Variants in NUFIP2 observed in about 807,000 individuals in gnomAD.
NUFIP2 encodes the protein FMR1-interacting protein NUFIP2.
Under a neutral mutation model 56.9 loss-of-function variants are expected in NUFIP2, and 6 were observed. The ratio of observed to expected loss-of-function variants is 0.11; its 90% confidence interval spans 0.06 to 0.21. The LOEUF is 0.21. NUFIP2 is among the 10% of genes least tolerant of loss of function. The pLI is 1.00. For synonymous variants in NUFIP2, 321 were observed against 298.2 expected (o/e 1.08, Z -0.79); for missense variants, 828 against 826.8 (o/e 1.00, Z -0.02).
intron 2 of NUFIP2, among the ~76,000 whole-genome samples, chr17:29,267,831 T>C (rs1180560882): frequency 1.1e-4 from 17 of 152,120 alleles, no homozygotes; most frequent in Admixed American, 1.1e-3. Context: ...TTTTCTTTTT[T>C]TCTTTGGTAG....
rs1483219940 is a variant in NUFIP2, at chr17:29,286,335, G to A, written c.1659C>T (p.Pro553=). 2.1e-5 allele frequency: 34 copies of A among 1,613,990 alleles called. No homozygotes were observed. The highest frequency in any genetic ancestry group is 2.6e-5 in the Non-Finnish European group (31 of 1,179,994). ...GAAACACAGGATGCTCAGTTCCTGA[G>A]GGAATTATTTCAGCACCCTGTGAAA... ...TLVSQGAEII[P]SGTEHPVFPK... is the part of the protein sequence containing the mutation. The change falls in exon 2 of 4, where the codon CCC becomes CCT. Residue 553 remains proline, a synonymous_variant. Transcript: ENST00000225388.
rs1490397636 is a variant in NUFIP2, at chr17:29,258,105, T to A, written c.*6434A>T. On this transcript the variant is annotated 3_prime_UTR_variant, in exon 4 of 4. Coordinates refer to ENST00000225388, the MANE Select transcript of NUFIP2 (RefSeq NM_020772.3). The stretch of plus-strand genomic sequence containing the variant: ...AATATACATGCAAGGCACATTGATA[T>A]AAAAATAGATCTCTGGCCAACAAAT... 6.6e-6 allele frequency: 1 copy of A among 152,054 alleles called. No individual in the cohort carries two copies. The highest frequency in any genetic ancestry group is 1.5e-5 in the Non-Finnish European group (1 of 67,992). 9.4% of individuals were successfully genotyped at this position (152,054 alleles called of 1,614,324 possible).
intron 2 of NUFIP2, among the ~76,000 whole-genome samples, chr17:29,272,680 G>A (rs1399949517): frequency 6.6e-6 from 1 of 152,040 alleles, no homozygotes; most frequent in Non-Finnish European, 1.5e-5. Context: ...TGAAATGTTT[G>A]GGACCAGAAG....
intron 2 of NUFIP2, among the ~76,000 whole-genome samples, chr17:29,276,723 T>C (rs1334763615): frequency 6.6e-6 from 1 of 152,186 alleles, no homozygotes; most frequent in Non-Finnish European, 1.5e-5. Flanking sequence ...CATCTATTTA[T>C]CACTACTGCT....
At position 29,257,272 on chromosome 17, in the gene NUFIP2, G is replaced by A. The variant is rs866971305; in HGVS notation, c.*7267C>T. On this transcript the variant is annotated 3_prime_UTR_variant, in exon 4 of 4. Coordinates refer to ENST00000225388, the MANE Select transcript of NUFIP2 (RefSeq NM_020772.3). ...ACTTTGAGCCAAGTTTCCAAAGATG[G>A]TAAAGCTAACAACAGCAAAGTAGTA... 3 of 152,248 alleles carry A rather than the reference G, an allele frequency of 2.0e-5. No homozygotes were observed. Among genetic ancestry groups the A allele is most frequent in the Middle Eastern group, 3.4e-3 (1 of 294 alleles). 9.4% of individuals were successfully genotyped at this position (152,248 alleles called of 1,614,324 possible). A position where few individuals can be genotyped will look rare whatever the true frequency, so the allele number is the denominator to read the frequency against.
At position 29,262,751 on chromosome 17, in the gene NUFIP2, T is replaced by C. The variant is rs535743301; in HGVS notation, c.*1788A>G. On this transcript the variant is annotated 3_prime_UTR_variant, in exon 4 of 4. Coordinates refer to ENST00000225388, the MANE Select transcript of NUFIP2 (RefSeq NM_020772.3). ...ATTTTATATATATATATATATATTA[T>C]GTATAAAAAAAAGTTTTGTTTACAT... 19 of 150,078 alleles carry C rather than the reference T, an allele frequency of 1.3e-4. No individual in the cohort carries two copies. Among genetic ancestry groups the C allele is most frequent in the Middle Eastern group, 3.5e-3 (1 of 282 alleles). 9.3% of individuals were successfully genotyped at this position (150,078 alleles called of 1,614,324 possible). A position where few individuals can be genotyped will look rare whatever the true frequency, so the allele number is the denominator to read the frequency against.
At position 29,286,356 on chromosome 17, in the gene NUFIP2, T is replaced by A; in HGVS notation, c.1638A>T (p.Ser546=). ...CTGAGGGAATTATTTCAGCACCCTGTGAAACCAAAGTAGCAGGATATTCTC... is the reference window on the plus strand; with the variant it reads ...CTGAGGGAATTATTTCAGCACCCTGAGAAACCAAAGTAGCAGGATATTCTC... The part of the protein sequence containing the change: ...FQGEYPATLV[S]QGAEIIPSGT... Residue 546 remains serine (S), a synonymous_variant, in exon 2 of 4, where the codon TCA becomes TCT. Coordinates refer to ENST00000225388, the MANE Select transcript of NUFIP2 (RefSeq NM_020772.3). The A allele has an allele frequency of 6.2e-7, 1 of 1,614,184 alleles. No individual in the cohort carries two copies.
chr17:29,272,179 C>A (rs60942481), intron 2 of NUFIP2, among the ~76,000 whole-genome samples: 131,412 of 149,702 alleles, frequency 0.88, 57,780 homozygotes, highest in South Asian at 0.93. Context: ...CTGACATTAC[C>A]TTCTGTCCTC....
chr17:29,267,458 T>G (rs2069045174), intron 3 of NUFIP2, 40 bp downstream of exon 3: 1 of 1,134,998 alleles, frequency 8.8e-7, no homozygotes, highest in South Asian at 1.3e-5. Context: ...GTCCAGTGGT[T>G]ACTTATTAGT....
In NUFIP2 at chr17:29,294,030, A is replaced by AGGCTGT. The variant is rs2069236498; in HGVS notation, c.24_29dup (p.Pro10_Gln11dup). 1 of 1,607,436 alleles carries AGGCTGT rather than the reference A, an allele frequency of 6.2e-7. No individual in the cohort carries two copies. Among genetic ancestry groups the AGGCTGT allele is most frequent in the African/African-American group, 1.3e-5 (1 of 74,666 alleles). On this transcript the variant is annotated inframe_insertion, in exon 1 of 4. Coordinates refer to ENST00000225388, the MANE Select transcript of NUFIP2 (RefSeq NM_020772.3). ...GATGGTGGTGGCTGTGATGGTGCTG[A>AGGCTGT]GGCTGTGGCTGGCCGGGCTTCTCCT...
chr17:29,274,979 A>C (rs1364052597), intron 2 of NUFIP2, among the ~76,000 whole-genome samples: 1 of 152,188 alleles, frequency 6.6e-6, no homozygotes, highest in Non-Finnish European at 1.5e-5. Flanking sequence ...TTTAATATAC[A>C]TAGAATTGCA....
intron 1 of NUFIP2, 148 bp downstream of exon 1, chr17:29,293,635 T>G: frequency 1.2e-6 from 1 of 846,036 alleles, no homozygotes. Flanking sequence ...CAGCCCGAGC[T>G]CTAGAATGAA....
intron 2 of NUFIP2, among the ~76,000 whole-genome samples, chr17:29,281,212 T>A (rs1238707889): frequency 6.6e-6 from 1 of 151,966 alleles, no homozygotes; most frequent in African/African-American, 2.4e-5. Context: ...TCCCAGCTAC[T>A]AGGGAGGCTG....
intron 2 of NUFIP2, among the ~76,000 whole-genome samples, chr17:29,271,455 T>A (rs549949450): frequency 1.3e-5 from 2 of 151,836 alleles, no homozygotes; most frequent in African/African-American, 4.8e-5. Flanking sequence ...GAGAATCACT[T>A]GAACCCCGTA....
chr17:29,280,046 G>A (rs1249282457), intron 2 of NUFIP2, among the ~76,000 whole-genome samples: 2 of 152,122 alleles, frequency 1.3e-5, no homozygotes, highest in African/African-American at 4.8e-5. Context: ...TCAAACTCCT[G>A]ACCTCAGGTG....
rs925633295 is a variant in NUFIP2, at chr17:29,260,924, C to T, written c.*3615G>A. 1 of 152,020 alleles carries T rather than the reference C, an allele frequency of 6.6e-6. No homozygotes were observed. Among genetic ancestry groups the T allele is most frequent in the African/African-American group, 2.4e-5 (1 of 41,404 alleles). 9.4% of individuals were successfully genotyped at this position (152,020 alleles called of 1,614,324 possible). ...ATTCCTAGTTATTGGCTATCCCCTC[C>T]TAGAAAGTAGAGGAGGAAGGGCTGG... On this transcript the variant is annotated 3_prime_UTR_variant, in exon 4 of 4. Coordinates refer to ENST00000225388, the MANE Select transcript of NUFIP2 (RefSeq NM_020772.3).
In NUFIP2 at chr17:29,264,582, C is replaced by G; in HGVS notation, c.2045G>C (p.Arg682Thr). The G allele has an allele frequency of 1.3e-6, 2 of 1,595,468 alleles. No individual in the cohort carries two copies. Among genetic ancestry groups the G allele is most frequent in the Non-Finnish European group, 1.7e-6 (2 of 1,163,796 alleles). The change falls in exon 4 of 4, where the codon AGG becomes ACG. Residue 682 changes from arginine to threonine, a missense_variant. Transcript: ENST00000225388. ...CATGGCTTCATTGTAAGTGATTATC[C>G]TTTTGGGATCTAGAAAGGTTAAAAA... ...IWNLQKQDPKRIITYNEAMDS... is the reference protein window; with the variant it reads ...IWNLQKQDPKTIITYNEAMDS...
Position 29,256,714 on chromosome 17 carries a change from G to GTACA in NUFIP2, c.*7821_*7824dup, listed in dbSNP as rs2068973065. On this transcript the variant is annotated 3_prime_UTR_variant, in exon 4 of 4. Transcript: ENST00000225388. ...ATGATTTGACAAAACCTGGGTAGTA[G>GTACA]TACATCTACACATTATAAGTACACA... 1 of 151,166 alleles carries GTACA rather than the reference G, an allele frequency of 6.6e-6. No homozygotes were observed. The highest frequency in any genetic ancestry group is 2.4e-5 in the African/African-American group (1 of 41,210). The allele number at this position is 151,166 out of a possible 1,614,324, so 9.4% of individuals were successfully genotyped here. A position where few individuals can be genotyped will look rare whatever the true frequency, so the allele number is the denominator to read the frequency against.
chr17:29,266,227 A>G (rs11658837), intron 3 of NUFIP2, among the ~76,000 whole-genome samples: 19,332 of 152,140 alleles, frequency 0.13, 1,447 homozygotes, highest in East Asian at 0.3. Flanking sequence ...TCCGCCTCCC[A>G]AAGTGCTGGG....
Sources: gnomAD v4.1 joint callset for allele counts (sites outside exome capture counted in the v4.1 genomes callset) on GRCh38, gnomAD v4.1.1 for gene constraint, MANE v1.5 for transcripts, NCBI Gene and HGNC (gene_info 2026-07-23, HGNC 2026-07-21) for gene names.